The following EDNRB variants were observed in gnomAD, a reference collection of about 807,000 sequenced individuals.
The protein encoded by EDNRB is Hirschsprung disease 2.
In EDNRB, 18 loss-of-function variants were observed where a neutral mutation model predicts 46.4. That is an observed-to-expected ratio of 0.39 (90% CI 0.27 to 0.57). EDNRB has a LOEUF of 0.57. EDNRB is among the 20% of genes least tolerant of loss of function. The pLI is 0.61. For missense variants in EDNRB, 434 were observed against 537.5 expected, an observed-to-expected ratio of 0.81 and a Z score of 1.90; for synonymous variants, 213 against 204.9, an observed-to-expected ratio of 1.04 and a Z score of -0.34.
upstream of EDNRB, chr13:77,919,898 C>T (rs1880023994): frequency 3.5e-6 from 1 of 286,848 alleles, no homozygotes; most frequent in East Asian, 6.0e-5. Context: ...CTTTTAATGC[C>T]AAGTGTCACT....
At chr13:77,973,794 C>T (rs1025870264) in intron 1 of EDNRB, among the ~76,000 whole-genome samples, 3 of 151,908 alleles carry the variant, frequency 2.0e-5, no homozygotes, top group Non-Finnish European at 2.9e-5. Flanking sequence ...TTTTTCATGA[C>T]TTTCGCAGGC....
intron 1 of EDNRB, among the ~76,000 whole-genome samples, chr13:77,925,692 A>G (rs9544637): frequency 0.9 from 136,849 of 152,268 alleles, 61,576 homozygotes; most frequent in East Asian, 0.98. Context: ...ACCTCGGCTA[A>G]GGCAGTGTAG....
intron 1 of EDNRB, among the ~76,000 whole-genome samples, chr13:77,941,381 C>G (rs1235777494): frequency 6.6e-6 from 1 of 152,142 alleles, no homozygotes; most frequent in Admixed American, 6.5e-5. Flanking sequence ...GTTGGTTTGT[C>G]TATTCTCTGT....
intron 1 of EDNRB, among the ~76,000 whole-genome samples, chr13:77,937,757 G>T (rs929746856): frequency 6.6e-6 from 1 of 152,094 alleles, no homozygotes; most frequent in African/African-American, 2.4e-5. Context: ...TTAGCCTGGC[G>T]ATGAGGGGAG....
intron 1 of EDNRB, among the ~76,000 whole-genome samples, chr13:77,965,847 T>TA (rs973859721): frequency 2.6e-5 from 4 of 152,044 alleles, no homozygotes; most frequent in African/African-American, 9.7e-5. Context: ...ATGGGTTTCT[T>TA]AATTATAATT....
At chr13:77,944,253 G>A (rs562383310) in intron 1 of EDNRB, among the ~76,000 whole-genome samples, 91 of 152,222 alleles carry the variant, frequency 6.0e-4, no homozygotes, top group Admixed American at 1.6e-3. Flanking sequence ...TGCTCAAAGT[G>A]CATTAGAAGA....
At chr13:77,936,094 T>C (rs1880554677) in intron 1 of EDNRB, among the ~76,000 whole-genome samples, 2 of 151,462 alleles carry the variant, frequency 1.3e-5, no homozygotes, top group South Asian at 4.2e-4. Context: ...GGGATAAGAG[T>C]GATTAGGTTT....
chr13:77,933,262 G>C (rs1166331778), intron 1 of EDNRB, among the ~76,000 whole-genome samples: 2 of 152,222 alleles, frequency 1.3e-5, no homozygotes, highest in African/African-American at 4.8e-5. Context: ...AACAGGCTTT[G>C]TGTGAGCAAT....
Position 77,912,785 on chromosome 13 carries a change from G to A in EDNRB, c.483+5306C>T, listed in dbSNP as rs535806355. On this transcript the variant is annotated intron_variant, in intron 1 of 6. Coordinates refer to ENST00000646607, the MANE Select transcript of EDNRB (RefSeq NM_001122659.3). ...ATTTTGCTTTACATAAATCATACAG[G>A]TTCCACTTTTGGTTCAGAATGCTTA... Among the ~76,000 whole-genome samples, 3 of 152,020 alleles carry A rather than the reference G, an allele frequency of 2.0e-5. No individual in the cohort carries two copies. In the East Asian group the frequency reaches 5.8e-4, roughly 29 times the overall value.
intron 6 of EDNRB, 155 bp downstream of exon 6, chr13:77,899,704 G>A (rs185572690): frequency 8.0e-4 from 513 of 640,994 alleles, no homozygotes; most frequent in Non-Finnish European, 1.2e-3. Flanking sequence ...TGATTTACAA[G>A]CAAAAGTTGT....
rs569196362 is a variant in EDNRB, at chr13:77,945,831, A to G, written c.-51-27207T>C. On this transcript the variant is annotated intron_variant, in intron 1 of 7. Transcript: ENST00000646948. ...TCCCTTAGTTCCTATTATCTGATACATTATATCCAGCTTTCAAGAAAATAC... is the reference window on the plus strand; with the variant it reads ...TCCCTTAGTTCCTATTATCTGATACGTTATATCCAGCTTTCAAGAAAATAC... Among the ~76,000 whole-genome samples the G allele has an allele frequency of 2.0e-5, 3 of 150,468 alleles. No homozygotes were observed. The East Asian group carries it at 5.9e-4, about 29-fold the overall frequency.
At chr13:77,960,331 C>T (rs1881367150) in intron 1 of EDNRB, among the ~76,000 whole-genome samples, 2 of 152,164 alleles carry the variant, frequency 1.3e-5, no homozygotes. Context: ...AGACTAACAG[C>T]AGATGTCTCG....
intron 1 of EDNRB, among the ~76,000 whole-genome samples, chr13:77,969,728 T>G (rs1357295427): frequency 6.6e-6 from 1 of 152,196 alleles, no homozygotes; most frequent in African/African-American, 2.4e-5. Flanking sequence ...TGCTTATGAC[T>G]GGGAACAGCC....
chr13:77,903,267 C>G lies in EDNRB; in HGVS notation c.690G>C (p.Val230=). Residue 230 remains valine, a synonymous_variant, in exon 3 of 7, where the codon GTG becomes GTC. Transcript: ENST00000646607. ...CTATGGCTTCAGGGACAGCCAGAAC[C>G]ACAGAGACCACCCAAATCAAAACAA... is the stretch of plus-strand genomic sequence containing the variant. ...VEIVLIWVVS[V]VLAVPEAIGF... is the part of the protein sequence containing the mutation. The G allele has an allele frequency of 6.2e-7, 1 of 1,612,934 alleles. No individual in the cohort carries two copies. Among genetic ancestry groups the G allele is most frequent in the Non-Finnish European group, 8.5e-7 (1 of 1,179,368 alleles).
At chr13:77,975,243 T>TCAAAAC (rs1244625082) in intron 1 of EDNRB, 1 of 151,902 alleles carries the variant, frequency 6.6e-6, no homozygotes, top group Non-Finnish European at 1.5e-5. Flanking sequence ...TCAAACCAAG[T>TCAAAAC]CAAAACCAAA....
chr13:77,927,506 A>T (rs1232127856), intron 1 of EDNRB, among the ~76,000 whole-genome samples: 3 of 152,206 alleles, frequency 2.0e-5, no homozygotes, highest in Non-Finnish European at 4.4e-5. Context: ...AAGAAAGTAG[A>T]CCTGATATTT....
At chr13:77,938,557 C>T (rs1006600760) in intron 1 of EDNRB, among the ~76,000 whole-genome samples, 3 of 152,168 alleles carry the variant, frequency 2.0e-5, no homozygotes, top group South Asian at 2.1e-4. Context: ...CAGGCGTCCC[C>T]GCGTGGTCAG....
chr13:77,901,306 C>G (rs1209621962), intron 3 of EDNRB, 99 bp from the exon 4 acceptor site: 1 of 1,282,152 alleles, frequency 7.8e-7, no homozygotes, highest in East Asian at 2.5e-5. Context: ...GAATGATTAT[C>G]TTCTAAATTA....
chr13:77,910,043 T>C (rs1212951065), intron 1 of EDNRB, among the ~76,000 whole-genome samples: 1 of 151,992 alleles, frequency 6.6e-6, no homozygotes, highest in Non-Finnish European at 1.5e-5. Context: ...CAATGACTGA[T>C]ACAAAACAGA....
Sources: allele counts gnomAD v4.1 joint callset (sites outside exome capture counted in the v4.1 genomes callset), GRCh38; gene constraint gnomAD v4.1.1; transcripts MANE v1.5; gene names NCBI Gene and HGNC (gene_info 2026-07-23, HGNC 2026-07-21).